The following DCDC1 variants were observed in gnomAD, a reference collection of about 807,000 sequenced individuals.
DCDC1 encodes doublecortin domain-containing protein 1.
Under a neutral mutation model 178.3 loss-of-function variants are expected in DCDC1, and 200 were observed. That is an observed-to-expected ratio of 1.12 (90% CI 1.00 to 1.26). The LOEUF (loss-of-function observed/expected upper bound fraction) is 1.26. Among genes scored for constraint, DCDC1 ranks in the 50% most tolerant of loss-of-function variants. The probability of loss-of-function intolerance (pLI) is 0.00; values close to 1 mark genes in which losing one functional copy is unlikely to be tolerated. For missense variants in DCDC1, 1,983 were observed against 1,749.2 expected (o/e 1.13, Z -2.38); for synonymous variants, 690 against 604.8 (o/e 1.14, Z -2.07).
At chr11:30,927,053 C>A (rs752514011) in intron 22 of DCDC1, among the ~76,000 whole-genome samples, 1 of 152,166 alleles carries the variant, frequency 6.6e-6, no homozygotes. Context: ...TCTTTCAGTT[C>A]TTTCCAAACC....
chr11:31,013,004 AC>A (rs1440553075), intron 20 of DCDC1, among the ~76,000 whole-genome samples: 3 of 152,336 alleles, frequency 2.0e-5, no homozygotes, highest in East Asian at 1.9e-4. Flanking sequence ...TTCTAAAAAA[AC>A]AATGTAAAGC....
intron 20 of DCDC1, among the ~76,000 whole-genome samples, chr11:30,984,903 C>A (rs1182308126): frequency 2.0e-5 from 3 of 152,188 alleles, no homozygotes; most frequent in Admixed American, 6.5e-5. Flanking sequence ...ACCTCACTAA[C>A]TAAGGCAAGA....
intron 9 of DCDC1, among the ~76,000 whole-genome samples, chr11:31,182,338 G>T (rs1413426586): frequency 6.6e-6 from 1 of 152,144 alleles, no homozygotes; most frequent in African/African-American, 2.4e-5. Context: ...GAAAGGTGGG[G>T]TTATCCACAA....
chr11:31,256,921 C>G (rs1162988295), intron 8 of DCDC1, among the ~76,000 whole-genome samples: 1 of 152,126 alleles, frequency 6.6e-6, no homozygotes, highest in South Asian at 2.1e-4. Context: ...GAGGGCTTAG[C>G]TCTACTAGCT....
chr11:31,257,911 G>A (rs564313912), intron 8 of DCDC1, among the ~76,000 whole-genome samples: 21 of 152,306 alleles, frequency 1.4e-4, no homozygotes, highest in Non-Finnish European at 3.1e-4. Flanking sequence ...ATCTTGGAGA[G>A]CAGACTGAGA....
In DCDC1 at chr11:31,307,686, T is replaced by C; in HGVS notation, c.387A>G (p.Ser129=). ...SNSKNNSCSI[S]ASKRNRPVSA... is the part of the protein sequence containing the mutation. Reference sequence around the variant, plus strand: ...TGACAGGTCTGTTTCTCTTGGATGCTGATATAGAACAAGAATTGTTTTTAC... The same window carrying C: ...TGACAGGTCTGTTTCTCTTGGATGCCGATATAGAACAAGAATTGTTTTTAC... Residue 129 remains serine (S), a synonymous_variant, in exon 4 of 39, where the codon TCA becomes TCG. Coordinates refer to ENST00000684477, the MANE Select transcript of DCDC1 (RefSeq NM_001387274.1). The C allele has an allele frequency of 6.2e-7, 1 of 1,614,114 alleles. No homozygotes were observed. Among genetic ancestry groups the C allele is most frequent in the Middle Eastern group, 1.6e-4 (1 of 6,062 alleles).
chr11:31,026,396 G>A (rs1322150462), intron 20 of DCDC1, among the ~76,000 whole-genome samples: 2 of 151,760 alleles, frequency 1.3e-5, no homozygotes, highest in South Asian at 2.1e-4. Context: ...ATCCCAAGAC[G>A]TTATGGAATA....
Position 31,230,285 on chromosome 11 carries a change from G to T in DCDC1, c.1221+11165C>A, listed in dbSNP as rs939537662. 4.6e-5 allele frequency among the ~76,000 whole-genome samples: 7 copies of T among 150,978 alleles called. No individual in the cohort carries two copies. The South Asian group carries it at 1.3e-3, about 27-fold the overall frequency. On this transcript the variant is annotated intron_variant, in intron 9 of 38. Coordinates refer to ENST00000684477, the MANE Select transcript of DCDC1 (RefSeq NM_001387274.1). ...TACTGCATTGTACACTTAAAAAATG[G>T]GTAAATGGGTGAATGTAATGCTGTA...
intron 8 of DCDC1, among the ~76,000 whole-genome samples, chr11:31,255,633 A>G (rs1362424437): frequency 6.6e-6 from 1 of 152,152 alleles, no homozygotes; most frequent in Non-Finnish European, 1.5e-5. Flanking sequence ...CTTCTTTGGG[A>G]AAACGTTGAT....
intron 3 of DCDC1, among the ~76,000 whole-genome samples, chr11:31,324,147 T>C (rs1311029425): frequency 6.6e-6 from 1 of 152,112 alleles, no homozygotes; most frequent in Non-Finnish European, 1.5e-5. Context: ...AAACGTTATG[T>C]TCAAACTACA....
At chr11:30,989,485 A>G (rs2134902212) in intron 20 of DCDC1, among the ~76,000 whole-genome samples, 1 of 152,280 alleles carries the variant, frequency 6.6e-6, no homozygotes, top group South Asian at 2.1e-4. Flanking sequence ...AACAAATCTG[A>G]GAATCTGTAG....
chr11:31,187,966 T>C (rs1417893082), intron 9 of DCDC1, among the ~76,000 whole-genome samples: 1 of 152,202 alleles, frequency 6.6e-6, no homozygotes, highest in African/African-American at 2.4e-5. Context: ...TGCACAGCAA[T>C]TGCATTTATA....
intron 36 of DCDC1, among the ~76,000 whole-genome samples, chr11:30,888,793 A>G (rs1943536656): frequency 6.6e-6 from 1 of 152,244 alleles, no homozygotes; most frequent in Non-Finnish European, 1.5e-5. Context: ...ATCTAAATTT[A>G]CTCAAGTATT....
chr11:30,951,482 G>T (rs1174066979), intron 21 of DCDC1, among the ~76,000 whole-genome samples: 3 of 152,072 alleles, frequency 2.0e-5, no homozygotes, highest in Non-Finnish European at 4.4e-5. Flanking sequence ...GGAAGGACTG[G>T]AACATACGAA....
chr11:31,081,149 T>C (rs1341860873), intron 17 of DCDC1, among the ~76,000 whole-genome samples: 2 of 152,188 alleles, frequency 1.3e-5, no homozygotes, highest in Admixed American at 1.3e-4. Flanking sequence ...ATTAAAGCTA[T>C]CTTTGAATAA....
chr11:31,004,875 T>C (rs1323374590), intron 20 of DCDC1, among the ~76,000 whole-genome samples: 1 of 152,044 alleles, frequency 6.6e-6, no homozygotes, highest in Non-Finnish European at 1.5e-5. Context: ...TTAAAATAGA[T>C]AAAATGTCTA....
Position 30,915,705 on chromosome 11 carries a change from T to C in DCDC1, c.3459A>G (p.Ser1153=). The change falls in exon 27 of 39, where the codon TCA becomes TCG. Residue 1153 remains serine, a synonymous_variant. Coordinates refer to ENST00000684477, the MANE Select transcript of DCDC1 (RefSeq NM_001387274.1). ...GCTTGTGCAATTTACTATGCTTTGG[T>C]GAACAGCTGAGATAAAGAAATCTCT... ...NVEPQKKHSC[S]PKHSKLHKHC... 6.2e-7 allele frequency: 1 copy of C among 1,612,322 alleles called. No homozygotes were observed. Among genetic ancestry groups the C allele is most frequent in the Non-Finnish European group, 8.5e-7 (1 of 1,179,064 alleles).
intron 9 of DCDC1, among the ~76,000 whole-genome samples, chr11:31,239,402 GACTT>G (rs1976838595): frequency 6.6e-6 from 1 of 151,902 alleles, no homozygotes; most frequent in Non-Finnish European, 1.5e-5. Context: ...TGACTACAGG[GACTT>G]CTCTAAACAT....
At chr11:31,195,400 C>A (rs1183073979) in intron 9 of DCDC1, among the ~76,000 whole-genome samples, 1 of 152,068 alleles carries the variant, frequency 6.6e-6, no homozygotes, top group Non-Finnish European at 1.5e-5. Context: ...TTAAAGTTTT[C>A]TTCAGGAGAC....
Sources: allele counts gnomAD v4.1 joint callset (sites outside exome capture counted in the v4.1 genomes callset), GRCh38; gene constraint gnomAD v4.1.1; transcripts MANE v1.5; gene names NCBI Gene and HGNC (gene_info 2026-07-23, HGNC 2026-07-21).